Variants in EIPR1 observed in about 807,000 individuals in gnomAD.
EIPR1 encodes the protein EARP complex and GARP complex interacting protein 1.
A neutral mutation model predicts 48.1 loss-of-function variants in EIPR1; 25 were observed. That is an observed-to-expected ratio of 0.52 (90% confidence interval 0.38 to 0.73). The LOEUF (loss-of-function observed/expected upper bound fraction) is 0.73, where lower values mean the gene tolerates loss of function less well. EIPR1 is among the 30% of genes least tolerant of loss of function. The pLI, the probability that EIPR1 is intolerant of heterozygous loss-of-function variation, is 0.00. For missense variants in EIPR1, 415 were observed against 506.2 expected (o/e 0.82, Z 1.73); for synonymous variants, 204 against 201.9 (o/e 1.01, Z -0.09).
chr2:3,350,117 C>CAAAAAA (rs35912767), intron 2 of EIPR1, among the ~76,000 whole-genome samples: 4 of 57,460 alleles, frequency 7.0e-5, no homozygotes, highest in Admixed American at 3.0e-4. Flanking sequence ...GACTCTGTCT[C>CAAAAAA]AAAAAAAAAA....
At chr2:3,208,363 C>T in intron 5 of EIPR1, 1 of 1,199,612 alleles carries the variant, frequency 8.3e-7, no homozygotes, top group Non-Finnish European at 1.1e-6. Flanking sequence ...CCGGGTGGGA[C>T]TCATTTATAG....
At chr2:3,260,770 C>T (rs1558257972) in intron 3 of EIPR1, among the ~76,000 whole-genome samples, 1 of 152,114 alleles carries the variant, frequency 6.6e-6, no homozygotes, top group South Asian at 2.1e-4. Context: ...AGAAAAGATG[C>T]TCAACATTAT....
chr2:3,219,455 C>A (rs1329541238), intron 4 of EIPR1, among the ~76,000 whole-genome samples: 1 of 151,718 alleles, frequency 6.6e-6, no homozygotes, highest in Non-Finnish European at 1.5e-5. Context: ...TGCTCTAGAG[C>A]TTTCACAGTG....
At chr2:3,353,322 T>C (rs758759750) in intron 2 of EIPR1, 6 of 470,916 alleles carry the variant, frequency 1.3e-5, no homozygotes, top group South Asian at 3.1e-5. Flanking sequence ...CCAGTCTTTA[T>C]TCTAAGAAGA....
chr2:3,346,064 G>A (rs571277682), intron 2 of EIPR1, among the ~76,000 whole-genome samples: 19 of 152,202 alleles, frequency 1.2e-4, no homozygotes. Context: ...AGCATGTTTT[G>A]TTCATCCGAA....
At chr2:3,333,709 C>G (rs1572455609) in intron 3 of EIPR1, among the ~76,000 whole-genome samples, 2 of 149,018 alleles carry the variant, frequency 1.3e-5, no homozygotes, top group South Asian at 2.1e-4. Context: ...CCACTGCACT[C>G]CAGACTGGGT....
At chr2:3,332,236 G>A (rs537360624) in intron 3 of EIPR1, among the ~76,000 whole-genome samples, 18 of 152,318 alleles carry the variant, frequency 1.2e-4, no homozygotes, top group South Asian at 2.1e-4. Context: ...TAAGAAAACC[G>A]TGGGTGAAAC....
At chr2:3,226,292 GTC>G (rs1382987925) in intron 4 of EIPR1, among the ~76,000 whole-genome samples, 1 of 152,084 alleles carries the variant, frequency 6.6e-6, no homozygotes, top group Non-Finnish European at 1.5e-5. Flanking sequence ...CTTATCTTTT[GTC>G]TTTTTCATAC....
intron 4 of EIPR1, among the ~76,000 whole-genome samples, chr2:3,218,503 T>C (rs1665730890): frequency 6.8e-6 from 1 of 146,532 alleles, no homozygotes; most frequent in African/African-American, 2.6e-5. Context: ...AGGGCCCTGG[T>C]ATACTCTAGA....
Position 3,257,409 on chromosome 2 carries a change from C to A in EIPR1, c.306G>T (p.Pro102=). 1 of 1,614,192 alleles carries A rather than the reference C, an allele frequency of 6.2e-7. No homozygotes were observed. The highest frequency in any genetic ancestry group is 8.5e-7 in the Non-Finnish European group (1 of 1,180,038). The change falls in exon 4 of 9, where the codon CCG becomes CCT. Residue 102 remains proline (P), a synonymous_variant. Coordinates refer to ENST00000382125, the MANE Select transcript of EIPR1 (RefSeq NM_003310.5). ...CGTGGCTGCCTGATTCCAATTCCTT[C>A]GGCATCCTCCACACGGCTGCACATG... ...VLTCAAVWRM[P]KELESGSHES...
At chr2:3,341,479 G>A (rs565983267) in intron 2 of EIPR1, among the ~76,000 whole-genome samples, 1 of 152,268 alleles carries the variant, frequency 6.6e-6, no homozygotes, top group African/African-American at 2.4e-5. Flanking sequence ...GAGTGCGTGT[G>A]TGGGAGCATG....
chr2:3,339,887 C>T (rs150562012), intron 2 of EIPR1, among the ~76,000 whole-genome samples: 4,958 of 152,264 alleles, frequency 0.033, 113 homozygotes, highest in South Asian at 0.084. Context: ...GAGGCGGAGC[C>T]TGCAGTGAGC....
rs529438147 is a variant in EIPR1, at chr2:3,322,996, C to G, written c.259+15021G>C. On this transcript the variant is annotated intron_variant, in intron 3 of 8. Transcript: ENST00000382125. ...CAATATATAAGCGAAAAGCGACAAA[C>G]GTTACGAAAATGCAAAAACATTAAA... Among the ~76,000 whole-genome samples the G allele has an allele frequency of 2.6e-5, 4 of 152,210 alleles. No individual in the cohort carries two copies. In the East Asian group the frequency reaches 5.8e-4, roughly 22 times the overall value.
chr2:3,238,266 G>C (rs1418810295), intron 4 of EIPR1, among the ~76,000 whole-genome samples: 6 of 152,180 alleles, frequency 3.9e-5, no homozygotes, highest in African/African-American at 1.4e-4. Flanking sequence ...CAGGACCGGA[G>C]TCACCAACAC....
At chr2:3,325,964 G>A (rs915613443) in intron 3 of EIPR1, among the ~76,000 whole-genome samples, 4 of 152,248 alleles carry the variant, frequency 2.6e-5, no homozygotes, top group East Asian at 3.9e-4. Context: ...CCGTGAGGGC[G>A]GATAGACTCC....
Position 3,189,658 on chromosome 2 carries a change from GC to G in EIPR1, c.990-151del. On this transcript the variant is annotated intron_variant, in intron 8 of 8. Transcript: ENST00000382125. The surrounding 1 kb of genome is among the most constrained non-coding windows in gnomAD (Gnocchi z 4.6). ...CTGTGGGATGGGAAGAATTAGAGGA[GC>G]CCACACCGAGGACGGTGGGGTGGTC... The G allele has an allele frequency of 1.4e-6, 1 of 728,138 alleles. No homozygotes were observed. The highest frequency in any genetic ancestry group is 2.1e-6 in the Non-Finnish European group (1 of 487,528). The allele number at this position is 728,138 out of a possible 1,614,324, so 45.1% of individuals were successfully genotyped here.
At chr2:3,277,841 G>C (rs2103254947) in intron 3 of EIPR1, among the ~76,000 whole-genome samples, 1 of 152,350 alleles carries the variant, frequency 6.6e-6, no homozygotes, top group South Asian at 2.1e-4. Flanking sequence ...AGCATGGAAA[G>C]GAGCTACATG....
At chr2:3,303,864 A>C (rs1243151599) in intron 3 of EIPR1, among the ~76,000 whole-genome samples, 1 of 152,214 alleles carries the variant, frequency 6.6e-6, no homozygotes, top group Non-Finnish European at 1.5e-5. Context: ...TAACAGACAG[A>C]GTATAACCCC....
intron 4 of EIPR1, among the ~76,000 whole-genome samples, chr2:3,224,677 C>T (rs932365193): frequency 4.5e-4 from 68 of 152,220 alleles, no homozygotes; most frequent in African/African-American, 1.6e-3. Context: ...CCCCACCACA[C>T]GCAGTCCTTC....
Sources: gnomAD v4.1 joint callset for allele counts (sites outside exome capture counted in the v4.1 genomes callset) on GRCh38, gnomAD v4.1.1 for gene constraint, Gnocchi (gnomAD v3.1) non-coding constraint, MANE v1.5 for transcripts, NCBI Gene and HGNC (gene_info 2026-07-23, HGNC 2026-07-21) for gene names.